The following TBC1D20 variants were observed in gnomAD, a reference collection of about 807,000 sequenced individuals.
TBC1D20 encodes the protein chromosome 20 open reading frame 140.
Under a neutral mutation model 41.6 loss-of-function variants are expected in TBC1D20, and 12 were observed. The observed-to-expected ratio is 0.29, with a 90% confidence interval of 0.18 to 0.47. The LOEUF (loss-of-function observed/expected upper bound fraction) is 0.47. Among genes scored for constraint, TBC1D20 ranks in the 20% least tolerant of loss-of-function variants. TBC1D20 has a pLI of 1.00. For missense variants in TBC1D20, 421 were observed against 517.4 expected, an observed-to-expected ratio of 0.81 and a Z score of 1.81; for synonymous variants, 205 against 204.8, an observed-to-expected ratio of 1.00 and a Z score of -0.01.
intron 1 of TBC1D20, 98 bp from the exon 2 acceptor site, chr20:448,172 T>C (rs1394711886): frequency 1.3e-6 from 1 of 780,036 alleles, no homozygotes; most frequent in South Asian, 1.7e-5. Context: ...TACAGGTAAG[T>C]ATCTCCTCTT....
chr20:440,464 T>C, intron 5 of TBC1D20, 75 bp from the exon 6 acceptor site: 2 of 1,538,008 alleles, frequency 1.3e-6, no homozygotes, highest in Non-Finnish European at 1.8e-6. Flanking sequence ...ATAGCGCTGG[T>C]GAGAAGGAAG....
chr20:441,642 T>G lies in TBC1D20; in HGVS notation c.572A>C (p.Tyr191Ser), dbSNP rs779365738. The change falls in exon 5 of 8, where the codon TAT becomes TCT. Residue 191 changes from tyrosine to serine, a missense_variant. Transcript: ENST00000354200. ...CACCTGGTCAATGATGGGCATCAGA[T>G]AGTTTAATATATGCTTGGTGTTGTC... is the stretch of plus-strand genomic sequence containing the variant. ...TMDNTKHILN[Y>S]LMPIIDQVNP... The G allele has an allele frequency of 8.7e-6, 14 of 1,614,048 alleles. No individual in the cohort carries two copies. The highest frequency in any genetic ancestry group is 1.2e-5 in the Non-Finnish European group (14 of 1,180,046).
chr20:455,940 T>A (rs1205921039), intron 1 of TBC1D20, among the ~76,000 whole-genome samples: 1 of 147,520 alleles, frequency 6.8e-6, no homozygotes, highest in Non-Finnish European at 1.5e-5. Flanking sequence ...CTCAAAAAAA[T>A]AAACAAAATA....
At chr20:447,499 A>G (rs2122400115) in intron 2 of TBC1D20, among the ~76,000 whole-genome samples, 1 of 151,830 alleles carries the variant, frequency 6.6e-6, no homozygotes, top group Non-Finnish European at 1.5e-5. Context: ...CTCTACTAAA[A>G]ATACAAAAAT....
chr20:438,530 C>T lies in TBC1D20; in HGVS notation c.*56G>A. 1.9e-6 allele frequency: 3 copies of T among 1,578,814 alleles called. No homozygotes were observed. The highest frequency in any genetic ancestry group is 1.7e-6 in the Non-Finnish European group (2 of 1,156,976). ...AAAGGAAATTCCACCCCTCCCAATC[C>T]TTCCATGGAAGGGTGAGACCTTAAT... On this transcript the variant is annotated 3_prime_UTR_variant, in exon 8 of 8. Coordinates refer to ENST00000354200, the MANE Select transcript of TBC1D20 (RefSeq NM_144628.4).
At position 447,877 on chromosome 20, in the gene TBC1D20, C is replaced by A. The variant is rs757173914; in HGVS notation, c.256+12G>T. ...GATAAGCTCCCCTCACAGCCTCCCC[C>A]ACTCCCCTTACCTGATATAGGAGGT... On this transcript the variant is annotated intron_variant, in intron 2 of 7. Transcript: ENST00000354200. 6 of 1,592,862 alleles carry A rather than the reference C, an allele frequency of 3.8e-6. No individual in the cohort carries two copies. Among genetic ancestry groups the A allele is most frequent in the Middle Eastern group, 1.9e-4 (1 of 5,398 alleles).
Position 438,442 on chromosome 20 carries a change from C to T in TBC1D20, c.*144G>A. 1 of 996,432 alleles carries T rather than the reference C, an allele frequency of 1.0e-6. No individual in the cohort carries two copies. The highest frequency in any genetic ancestry group is 1.5e-6 in the Non-Finnish European group (1 of 681,948). The allele number at this position is 996,432 out of a possible 1,614,324, so 61.7% of individuals were successfully genotyped here. ...CTGCTACTGGCCTCTGAAGTAAAGGCAAACACAAACGGGCAGGGCAGGGTG... is the reference window on the plus strand; with the variant it reads ...CTGCTACTGGCCTCTGAAGTAAAGGTAAACACAAACGGGCAGGGCAGGGTG... On this transcript the variant is annotated 3_prime_UTR_variant, in exon 8 of 8. Transcript: ENST00000354200.
intron 1 of TBC1D20, among the ~76,000 whole-genome samples, chr20:453,499 C>A (rs1226999445): frequency 6.9e-6 from 1 of 144,492 alleles, no homozygotes; most frequent in Non-Finnish European, 1.5e-5. Flanking sequence ...ACAACAACAA[C>A]GACAGCAACC....
At chr20:457,737 A>C (rs2017566251) in intron 1 of TBC1D20, among the ~76,000 whole-genome samples, 1 of 152,234 alleles carries the variant, frequency 6.6e-6, no homozygotes, top group Non-Finnish European at 1.5e-5. Flanking sequence ...CATCCCGCAA[A>C]GGAGTCTGGG....
rs1370615957 is a variant in TBC1D20 at position 462,418 on chromosome 20, C to T, written c.-13G>A. The T allele has an allele frequency of 6.6e-6, 8 of 1,214,274 alleles. No homozygotes were observed. The highest frequency in any genetic ancestry group is 8.3e-6 in the Non-Finnish European group (8 of 969,582). The allele number at this position is 1,214,274 out of a possible 1,614,324, so 75.2% of individuals were successfully genotyped here. A position where few individuals can be genotyped will look rare whatever the true frequency, so the allele number is the denominator to read the frequency against. On this transcript the variant is annotated 5_prime_UTR_variant, in exon 1 of 8. Transcript: ENST00000354200. ...TCCGGAGGGCCATGCCCCGGGGCCC[C>T]GGGCCCCCACCCGAGCCCCGGCTGG...
intron 1 of TBC1D20, among the ~76,000 whole-genome samples, chr20:449,420 C>A (rs1234616002): frequency 2.7e-5 from 4 of 150,858 alleles, no homozygotes; most frequent in Non-Finnish European, 5.9e-5. Context: ...CATGGCAAAA[C>A]CTCATCTCTA....
chr20:444,608 G>A (rs2017297905), intron 3 of TBC1D20, among the ~76,000 whole-genome samples: 1 of 151,846 alleles, frequency 6.6e-6, no homozygotes, highest in Non-Finnish European at 1.5e-5. Context: ...TGCTTAATTT[G>A]TTAATTAAGG....
rs2017135343 is a variant in TBC1D20, at chr20:437,181, C to A, written c.*1405G>T. 1.3e-5 allele frequency: 2 copies of A among 152,504 alleles called. No individual in the cohort carries two copies. Among genetic ancestry groups the A allele is most frequent in the African/African-American group, 4.8e-5 (2 of 41,404 alleles). 9.4% of individuals were successfully genotyped at this position (152,504 alleles called of 1,614,324 possible). A position where few individuals can be genotyped will look rare whatever the true frequency, so the allele number is the denominator to read the frequency against. ...TTAGTGTAACTCAGCGGACAGGGCT[C>A]CCAGCTGCTCTGGCACGTGGGACAC... is the stretch of plus-strand genomic sequence containing the variant. On this transcript the variant is annotated 3_prime_UTR_variant, in exon 8 of 8. Coordinates refer to ENST00000354200, the MANE Select transcript of TBC1D20 (RefSeq NM_144628.4).
In TBC1D20 at chr20:439,349, G is replaced by A; in HGVS notation, c.769-54C>T. 1.5e-6 allele frequency: 2 copies of A among 1,371,208 alleles called. No homozygotes were observed. The highest frequency in any genetic ancestry group is 2.0e-6 in the Non-Finnish European group (2 of 990,062). 84.9% of individuals were successfully genotyped at this position (1,371,208 alleles called of 1,614,324 possible). On this transcript the variant is annotated intron_variant, in intron 6 of 7. Coordinates refer to ENST00000354200, the MANE Select transcript of TBC1D20 (RefSeq NM_144628.4). This position sits in a 1 kb window ranked among gnomAD's most constrained non-coding sequence, Gnocchi z 4.6. ...CAGAGGCCAGACACACAGGGCCTGG[G>A]CCACCTGCACTCCATTATCCTTGCA...
Position 439,420 on chromosome 20 carries a change from G to C in TBC1D20, c.769-125C>G. 1.5e-6 allele frequency: 1 copy of C among 676,212 alleles called. No homozygotes were observed. The allele number at this position is 676,212 out of a possible 1,614,324, so 41.9% of individuals were successfully genotyped here. ...AGACAGGACTCAGCCCAAATGTTGAGCAAACTCTTGTATCCATCAAGGAAG... is the reference window on the plus strand; with the variant it reads ...AGACAGGACTCAGCCCAAATGTTGACCAAACTCTTGTATCCATCAAGGAAG... On this transcript the variant is annotated intron_variant, in intron 6 of 7. Transcript: ENST00000354200. The surrounding 1 kb of genome is among the most constrained non-coding windows in gnomAD (Gnocchi z 4.6).
chr20:457,753 C>T (rs1376895038), intron 1 of TBC1D20, among the ~76,000 whole-genome samples: 3 of 152,154 alleles, frequency 2.0e-5, no homozygotes, highest in African/African-American at 7.2e-5. Context: ...CTGGGTTTAT[C>T]CTGTACTCAG....
At position 462,427 on chromosome 20, in the gene TBC1D20, A is replaced by G; in HGVS notation, c.-22T>C. ...CCATGCCCCGGGGCCCCGGGCCCCCACCCGAGCCCCGGCTGGTGGCGGAGC... is the reference window on the plus strand; with the variant it reads ...CCATGCCCCGGGGCCCCGGGCCCCCGCCCGAGCCCCGGCTGGTGGCGGAGC... On this transcript the variant is annotated 5_prime_UTR_variant, in exon 1 of 8. Coordinates refer to ENST00000354200, the MANE Select transcript of TBC1D20 (RefSeq NM_144628.4). 8.4e-7 allele frequency: 1 copy of G among 1,190,514 alleles called. No homozygotes were observed. Among genetic ancestry groups the G allele is most frequent in the South Asian group, 2.9e-5 (1 of 34,364 alleles). The allele number at this position is 1,190,514 out of a possible 1,614,324, so 73.7% of individuals were successfully genotyped here.
At chr20:454,629 T>C (rs2017510251) in intron 1 of TBC1D20, among the ~76,000 whole-genome samples, 1 of 151,608 alleles carries the variant, frequency 6.6e-6, no homozygotes. Flanking sequence ...GTCTACAAAC[T>C]GTTTCTATGA....
rs2017109526 is a variant in TBC1D20 at position 435,913 on chromosome 20, T to G, written c.*2673A>C. The stretch of plus-strand genomic sequence containing the variant: ...GCTACAGTCAGATTAAAGTCTGGTG[T>G]TGAGCAAGTGAAATGGGGCAGGAGA... On this transcript the variant is annotated 3_prime_UTR_variant, in exon 8 of 8. Coordinates refer to ENST00000354200, the MANE Select transcript of TBC1D20 (RefSeq NM_144628.4). 2 of 152,488 alleles carry G rather than the reference T, an allele frequency of 1.3e-5. No individual in the cohort carries two copies. Among genetic ancestry groups the G allele is most frequent in the African/African-American group, 4.8e-5 (2 of 41,430 alleles). 9.4% of individuals were successfully genotyped at this position (152,488 alleles called of 1,614,324 possible).
Sources: allele counts gnomAD v4.1 joint callset (sites outside exome capture counted in the v4.1 genomes callset), GRCh38; gene constraint gnomAD v4.1.1; non-coding constraint Gnocchi (gnomAD v3.1); transcripts MANE v1.5; gene names NCBI Gene and HGNC (gene_info 2026-07-23, HGNC 2026-07-21).